The following CSMD1 variants were observed in gnomAD, a reference collection of about 807,000 sequenced individuals.
CSMD1 encodes the protein CUB and sushi domain-containing protein 1.
In CSMD1, 213 loss-of-function variants were observed where a neutral mutation model predicts 417.5. That is an observed-to-expected ratio of 0.51 (90% CI 0.46 to 0.57). CSMD1 has a LOEUF of 0.57. CSMD1 is among the 20% of genes least tolerant of loss of function. The pLI is 0.00. For missense variants in CSMD1, 6,923 were observed against 4,529.7 expected, an observed-to-expected ratio of 1.53 and a Z score of -15.17; for synonymous variants, 2,862 against 1,736.8, an observed-to-expected ratio of 1.65 and a Z score of -16.11.
intron 11 of CSMD1, among the ~76,000 whole-genome samples, chr8:3,482,125 G>A (rs1467653843): frequency 2.0e-5 from 3 of 151,984 alleles, no homozygotes; most frequent in African/African-American, 7.3e-5. Context: ...CAGTAAAAGG[G>A]GAATGAGAAC....
intron 20 of CSMD1, among the ~76,000 whole-genome samples, chr8:3,363,067 C>G (rs1338931188): frequency 1.3e-5 from 2 of 152,172 alleles, no homozygotes; most frequent in Non-Finnish European, 2.9e-5. Flanking sequence ...CCCTCGGTTT[C>G]AGGGGTCTGG....
intron 39 of CSMD1, among the ~76,000 whole-genome samples, chr8:3,154,335 G>A (rs143192513): frequency 1.3e-5 from 2 of 152,340 alleles, no homozygotes; most frequent in African/African-American, 4.8e-5. Context: ...GTCCATCTCT[G>A]TGTGGTCATC....
At chr8:3,968,531 A>AT (rs34024441) in intron 5 of CSMD1, among the ~76,000 whole-genome samples, 16,929 of 151,928 alleles carry the variant, frequency 0.11, 992 homozygotes, top group East Asian at 0.14. Flanking sequence ...TGCAAATGCC[A>AT]TTTTTTTTCA....
At chr8:4,826,728 C>G (rs567347422) in intron 1 of CSMD1, among the ~76,000 whole-genome samples, 5 of 152,208 alleles carry the variant, frequency 3.3e-5, no homozygotes, top group African/African-American at 9.6e-5. Flanking sequence ...CCCTCATGCC[C>G]CATAACCCAA....
intron 3 of CSMD1, among the ~76,000 whole-genome samples, chr8:4,363,306 T>C (rs565189893): frequency 4.6e-5 from 7 of 152,300 alleles, no homozygotes; most frequent in African/African-American, 1.7e-4. Flanking sequence ...CTGCCCGTCA[T>C]GAAATTCTAT....
At chr8:3,011,311 C>G (rs749127049) in intron 52 of CSMD1, among the ~76,000 whole-genome samples, 1 of 152,070 alleles carries the variant, frequency 6.6e-6, no homozygotes, top group Admixed American at 6.5e-5. Flanking sequence ...ACACTTAAGA[C>G]GGTATGGCAA....
intron 3 of CSMD1, among the ~76,000 whole-genome samples, chr8:4,108,156 A>T (rs990925585): frequency 6.6e-6 from 1 of 151,772 alleles, no homozygotes; most frequent in Admixed American, 6.6e-5. Flanking sequence ...CAGAAGAGAG[A>T]CAGTTTTATT....
intron 3 of CSMD1, among the ~76,000 whole-genome samples, chr8:4,035,020 T>C (rs1438443629): frequency 1.3e-5 from 2 of 152,204 alleles, no homozygotes; most frequent in East Asian, 1.9e-4. Flanking sequence ...AAATTATTTT[T>C]TTCAATTAAC....
At chr8:4,172,029 A>C (rs1797791145) in intron 3 of CSMD1, among the ~76,000 whole-genome samples, 1 of 152,160 alleles carries the variant, frequency 6.6e-6, no homozygotes, top group African/African-American at 2.4e-5. Flanking sequence ...AATATTTTCA[A>C]ATAAAAGGAA....
rs896148851 is a variant in CSMD1 at position 4,759,668 on chromosome 8, G to A, written c.86-122110C>T. On this transcript the variant is annotated intron_variant, in intron 1 of 69. Transcript: ENST00000635120. ...TTATAAGTGAGAATATGTGGTGTTTGGTTTTCGGTTGCTGCATTAGCTTGC... is the reference window on the plus strand; with the variant it reads ...TTATAAGTGAGAATATGTGGTGTTTAGTTTTCGGTTGCTGCATTAGCTTGC... Among the ~76,000 whole-genome samples the A allele has an allele frequency of 2.0e-5, 3 of 152,192 alleles. No individual in the cohort carries two copies. The East Asian group carries it at 5.8e-4, about 30-fold the overall frequency.
Position 3,510,836 on chromosome 8 carries a change from C to G in CSMD1, c.1345-17110G>C, listed in dbSNP as rs187027315. On this transcript the variant is annotated intron_variant, in intron 10 of 69. Coordinates refer to ENST00000635120, the MANE Select transcript of CSMD1 (RefSeq NM_033225.6). Reference sequence around the variant, plus strand: ...TGAGAAGTATCTGTTCATATCCTTCCCCCACTTTTTGATGGGGTTGTTTTT... The same window carrying G: ...TGAGAAGTATCTGTTCATATCCTTCGCCCACTTTTTGATGGGGTTGTTTTT... Among the ~76,000 whole-genome samples the G allele has an allele frequency of 5.0e-3, 764 of 151,812 alleles. 8 individuals are homozygous for G. The highest frequency in any genetic ancestry group is 0.026 in the South Asian group (123 of 4,818).
intron 3 of CSMD1, among the ~76,000 whole-genome samples, chr8:4,085,950 G>C (rs192495080): frequency 1.3e-5 from 2 of 152,048 alleles, no homozygotes; most frequent in South Asian, 2.1e-4. Context: ...TTTCTTACAA[G>C]TGCAAGTCAA....
intron 3 of CSMD1, among the ~76,000 whole-genome samples, chr8:4,391,136 G>C (rs1300932725): frequency 1.3e-5 from 2 of 152,200 alleles, no homozygotes. Flanking sequence ...TAGGGACCCA[G>C]ATAATGCCTG....
Position 2,942,524 on chromosome 8 carries a change from G to T in CSMD1, c.10483C>A (p.Pro3495Thr). 2 of 1,611,442 alleles carry T rather than the reference G, an allele frequency of 1.2e-6. No individual in the cohort carries two copies. Among genetic ancestry groups the T allele is most frequent in the African/African-American group, 1.3e-5 (1 of 74,952 alleles). Residue 3495 changes from proline (P) to threonine (T), a missense_variant, in exon 69 of 70, where the codon CCT becomes ACT. Physicochemically the swap from Pro to Thr is conservative, Grantham distance 38. Coordinates refer to ENST00000635120, the MANE Select transcript of CSMD1 (RefSeq NM_033225.6). ...CCTGATAAAATTAGAGCAAAGAAAG[G>T]AACCAGAATGGCAGCCGCCACAGAG... ...SGSVAAAILVPFFALILSGFA... is the reference protein window; with the variant it reads ...SGSVAAAILVTFFALILSGFA...
intron 12 of CSMD1, among the ~76,000 whole-genome samples, chr8:3,410,917 G>A (rs530762781): frequency 6.6e-6 from 1 of 152,084 alleles, no homozygotes; most frequent in Admixed American, 6.6e-5. Context: ...GAGGGGTATA[G>A]AGAGATGGAT....
At chr8:4,756,185 A>G (rs908116641) in intron 1 of CSMD1, among the ~76,000 whole-genome samples, 7 of 152,226 alleles carry the variant, frequency 4.6e-5, no homozygotes, top group Non-Finnish European at 8.8e-5. Flanking sequence ...CATTTCTGGA[A>G]AACTGTTGAT....
chr8:3,447,203 A>T (rs1815358876), intron 12 of CSMD1, among the ~76,000 whole-genome samples: 1 of 152,226 alleles, frequency 6.6e-6, no homozygotes, highest in African/African-American at 2.4e-5. Flanking sequence ...AAAAATGATG[A>T]ACCAGCATGC....
chr8:4,016,593 T>G (rs1478301349), intron 4 of CSMD1, among the ~76,000 whole-genome samples: 1 of 152,154 alleles, frequency 6.6e-6, no homozygotes, highest in African/African-American at 2.4e-5. Context: ...AAAAAGCCTT[T>G]CCCCAGATGA....
chr8:3,396,634 T>C (rs931249380), intron 16 of CSMD1, among the ~76,000 whole-genome samples: 1 of 152,192 alleles, frequency 6.6e-6, no homozygotes, highest in African/African-American at 2.4e-5. Flanking sequence ...AGAGGAGGCC[T>C]TTATTCAGCT....
Sources: gnomAD v4.1 joint callset for allele counts (sites outside exome capture counted in the v4.1 genomes callset) on GRCh38, gnomAD v4.1.1 for gene constraint, MANE v1.5 for transcripts, NCBI Gene and HGNC (gene_info 2026-07-23, HGNC 2026-07-21) for gene names.